Variants in EIF2D observed in about 807,000 individuals in gnomAD.
EIF2D encodes the protein eukaryotic translation initiation factor 2D, also known as hepatocellular carcinoma-associated antigen 56.
Under a neutral mutation model 77.4 loss-of-function variants are expected in EIF2D, and 56 were observed. That is an observed-to-expected ratio of 0.72 (90% CI 0.58 to 0.90). The LOEUF (loss-of-function observed/expected upper bound fraction) is 0.90, where lower values mean the gene tolerates loss of function less well. EIF2D is among the 40% of genes least tolerant of loss of function. The pLI is 0.00. For missense variants in EIF2D, 574 were observed against 706.5 expected, an observed-to-expected ratio of 0.81 and a Z score of 2.13; for synonymous variants, 230 against 271.0, an observed-to-expected ratio of 0.85 and a Z score of 1.49.
intron 4 of EIF2D, among the ~76,000 whole-genome samples, chr1:206,576,474 G>A (rs1668664254): frequency 6.6e-6 from 1 of 152,210 alleles, no homozygotes; most frequent in Non-Finnish European, 1.5e-5. Context: ...TTGTCTTCTT[G>A]TGAAAAGTGT....
At chr1:206,606,455 C>G (rs1670206242) in intron 4 of EIF2D, among the ~76,000 whole-genome samples, 1 of 152,114 alleles carries the variant, frequency 6.6e-6, no homozygotes, top group South Asian at 2.1e-4. Context: ...TTACCCCCAC[C>G]ACAAACCATC....
exon 3 of EIF2D, chr1:206,580,989 T>C (rs1215472462): frequency 6.6e-6 from 1 of 152,210 alleles, no homozygotes; most frequent in Non-Finnish European, 1.5e-5. Context: ...GTTTCAGTGA[T>C]CATTATGGGT....
Position 206,599,190 on chromosome 1 carries a change from C to T in EIF2D, c.1203-98G>A, listed in dbSNP as rs1669800079. 2.5e-6 allele frequency: 3 copies of T among 1,220,398 alleles called. No individual in the cohort carries two copies. Among genetic ancestry groups the T allele is most frequent in the Admixed American group, 2.2e-5 (1 of 44,712 alleles). The allele number at this position is 1,220,398 out of a possible 1,614,324, so 75.6% of individuals were successfully genotyped here. A position where few individuals can be genotyped will look rare whatever the true frequency, so the allele number is the denominator to read the frequency against. ...ACTCCCTGCTGAGCAGGGAACTTTC[C>T]TTAGCTTTCGGCCTCTAGTTTCTTC... is the stretch of plus-strand genomic sequence containing the variant. On this transcript the variant is annotated intron_variant, in intron 10 of 14. Transcript: ENST00000271764. This position sits in a 1 kb window ranked among gnomAD's most constrained non-coding sequence, Gnocchi z 4.1.
At position 206,584,781 on chromosome 1, in the gene EIF2D, G is replaced by GT; in HGVS notation, c.139-3620_139-3619insA. The GT allele has an allele frequency of 7.4e-7, 1 of 1,349,908 alleles. No homozygotes were observed. The highest frequency in any genetic ancestry group is 1.0e-6 in the Non-Finnish European group (1 of 972,560). The allele number at this position is 1,349,908 out of a possible 1,614,324, so 83.6% of individuals were successfully genotyped here. A position where few individuals can be genotyped will look rare whatever the true frequency, so the allele number is the denominator to read the frequency against. ...TGCCGGCCTTGGGTGGGAGCTGTGG[G>GT]CTTCTCCTGAGCACCAGGGGTCCAG... On this transcript the variant is annotated intron_variant and NMD_transcript_variant, in intron 2 of 5. Transcript: ENST00000472709. This position sits in a 1 kb window ranked among gnomAD's most constrained non-coding sequence, Gnocchi z 4.9.
At position 206,592,911 on chromosome 1, in the gene EIF2D, G is replaced by C. The variant is rs1188823278; in HGVS notation, c.1684+708C>G. 1.3e-5 allele frequency among the ~76,000 whole-genome samples: 2 copies of C among 152,062 alleles called. No homozygotes were observed. Among genetic ancestry groups the C allele is most frequent in the African/African-American group, 4.8e-5 (2 of 41,392 alleles). On this transcript the variant is annotated intron_variant, in intron 14 of 14. Coordinates refer to ENST00000271764, the MANE Select transcript of EIF2D (RefSeq NM_006893.3). This position sits in a 1 kb window ranked among gnomAD's most constrained non-coding sequence, Gnocchi z 4.7. The stretch of plus-strand genomic sequence containing the variant: ...GAGGTCAGGAGTTCAAGACTGGCTT[G>C]GTCAACATAGTGAAACCCCATATCT...
rs1343003833 is a variant in EIF2D, at chr1:206,599,410, C to G, written c.1202+53G>C. ...AGAGCACTACTCAGGTTGAGAGGAA[C>G]TGTAGGCCAGAACACCAAGCAGGCA... On this transcript the variant is annotated intron_variant, in intron 10 of 14. Transcript: ENST00000271764. This position sits in a 1 kb window ranked among gnomAD's most constrained non-coding sequence, Gnocchi z 4.1. 6 of 1,602,214 alleles carry G rather than the reference C, an allele frequency of 3.7e-6. No individual in the cohort carries two copies. Among genetic ancestry groups the G allele is most frequent in the Non-Finnish European group, 4.3e-6 (5 of 1,174,988 alleles).
At chr1:206,593,504 AGAGAGT>A (rs1669477259) in intron 14 of EIF2D, 109 bp downstream of exon 14, 17 of 404,898 alleles carry the variant, frequency 4.2e-5, no homozygotes, top group East Asian at 1.7e-4. Flanking sequence ...AGAGAGAGAG[AGAGAGT>A]GTGTGTGTGT....
intron 4 of EIF2D, among the ~76,000 whole-genome samples, chr1:206,580,393 C>T (rs966408838): frequency 1.3e-5 from 2 of 152,270 alleles, no homozygotes; most frequent in East Asian, 1.9e-4. Flanking sequence ...AAGCTATTAC[C>T]TCCTGAGGAG....
chr1:206,597,670 C>T (rs1363223559), intron 11 of EIF2D, among the ~76,000 whole-genome samples: 4 of 149,792 alleles, frequency 2.7e-5, no homozygotes, highest in African/African-American at 4.9e-5. Flanking sequence ...TAGGGCCGGG[C>T]GCAGTGGCCC....
At chr1:206,596,973 G>T in intron 12 of EIF2D, 127 bp downstream of exon 12, 1 of 702,490 alleles carries the variant, frequency 1.4e-6, no homozygotes, top group Non-Finnish European at 2.4e-6. Flanking sequence ...TGTTTATGTA[G>T]ACTGACTTGG....
rs782187995 is a variant in EIF2D, at chr1:206,599,039, G to A, written c.1256C>T (p.Ala419Val). Residue 419 changes from alanine (A) to valine (V), a missense_variant, in exon 11 of 15, where the codon GCC (alanine) becomes GTC (valine). Ala to Val is a moderately conservative substitution (Grantham distance 64, BLOSUM62 0). Transcript: ENST00000271764. This position sits in a 1 kb window ranked among gnomAD's most constrained non-coding sequence, Gnocchi z 4.1. ...TGCATCAACCAGGTCATTTTTCTTG[G>A]CGTAGTTAATGACGATCGTTCGGAC... ...SEVRTIVINY[A>V]KKNDLVDADN... is the part of the protein sequence containing the mutation. The A allele has an allele frequency of 6.2e-7, 1 of 1,614,118 alleles. No homozygotes were observed. Among genetic ancestry groups the A allele is most frequent in the Middle Eastern group, 1.6e-4 (1 of 6,062 alleles).
chr1:206,590,459 A>T (rs550272904), downstream of EIF2D, among the ~76,000 whole-genome samples: 1 of 152,332 alleles, frequency 6.6e-6, no homozygotes, highest in South Asian at 2.1e-4. Flanking sequence ...TCACATAAGG[A>T]ACCATAGTTC....
chr1:206,597,504 AG>A (rs1169354304), intron 11 of EIF2D, among the ~76,000 whole-genome samples: 1 of 152,238 alleles, frequency 6.6e-6, no homozygotes, highest in African/African-American at 2.4e-5. Context: ...GAAGAAAGAA[AG>A]GAAGTGGGGA....
intron 6 of EIF2D, chr1:206,602,747 T>A: frequency 1.3e-6 from 1 of 785,130 alleles, no homozygotes; most frequent in African/African-American, 1.7e-5. Context: ...CAGGGCAGAT[T>A]AGCTCCCAGG....
Position 206,599,587 on chromosome 1 carries a change from G to A in EIF2D, c.1078C>T (p.Pro360Ser). 1 of 1,600,372 alleles carries A rather than the reference G, an allele frequency of 6.2e-7. No individual in the cohort carries two copies. The change falls in exon 10 of 15, where the codon CCC becomes TCC. Residue 360 changes from proline to serine, a missense_variant. Physicochemically the swap from Pro to Ser is moderately conservative, Grantham distance 74. Coordinates refer to ENST00000271764, the MANE Select transcript of EIF2D (RefSeq NM_006893.3). This position sits in a 1 kb window ranked among gnomAD's most constrained non-coding sequence, Gnocchi z 4.1. Reference protein sequence around the residue: ...PRITSFVIPEPSPTSQTIQEG... With the variant: ...PRITSFVIPESSPTSQTIQEG... ...TGGATAGTCTGGGAGGTCGGGGAGG[G>A]CTCGGGTATGACGAAAGATGTAATC...
chr1:206,595,564 G>C (rs1366620601), intron 13 of EIF2D, 154 bp downstream of exon 13: 30 of 902,154 alleles, frequency 3.3e-5, no homozygotes, highest in Middle Eastern at 3.7e-4. Flanking sequence ...GTTTCATACA[G>C]AGCCCAGCCC....
At position 206,579,605 on chromosome 1, in the gene EIF2D, GGTCT is replaced by G. The variant is rs1668791020; in HGVS notation, c.*254+1083_*254+1086del. On this transcript the variant is annotated intron_variant and NMD_transcript_variant, in intron 4 of 5. Coordinates refer to the EIF2D transcript ENST00000472709. The surrounding 1 kb of genome is among the most constrained non-coding windows in gnomAD (Gnocchi z 4.2). ...CTTGAGGTCTGGAATTGTTGTGAGG[GGTCT>G]GTCTATTTCAGTTCTTTTCGAATGT... is the stretch of plus-strand genomic sequence containing the variant. Among the ~76,000 whole-genome samples, 1 of 152,122 alleles carries G rather than the reference GGTCT, an allele frequency of 6.6e-6. No individual in the cohort carries two copies. Among genetic ancestry groups the G allele is most frequent in the African/African-American group, 2.4e-5 (1 of 41,412 alleles).
At chr1:206,577,775 T>C (rs1212757703) in intron 4 of EIF2D, among the ~76,000 whole-genome samples, 7 of 152,172 alleles carry the variant, frequency 4.6e-5, no homozygotes, top group African/African-American at 1.4e-4. Flanking sequence ...CTGTAGGCAA[T>C]AGGGGATCAT....
At chr1:206,577,255 A>G (rs1284825466) in intron 4 of EIF2D, among the ~76,000 whole-genome samples, 1 of 152,156 alleles carries the variant, frequency 6.6e-6, no homozygotes, top group Non-Finnish European at 1.5e-5. Flanking sequence ...AAGTTTGCCA[A>G]CCACTGGTGC....
Sources: gnomAD v4.1 joint callset for allele counts (sites outside exome capture counted in the v4.1 genomes callset) on GRCh38, gnomAD v4.1.1 for gene constraint, Gnocchi (gnomAD v3.1) non-coding constraint, MANE v1.5 for transcripts, NCBI Gene and HGNC (gene_info 2026-07-23, HGNC 2026-07-21) for gene names.